The following IL17RD variants were observed in gnomAD, a reference collection of about 807,000 sequenced individuals.
The protein encoded by IL17RD is interleukin 17 receptor D.
IL17RD carries 52 observed loss-of-function variants against 80.5 expected under a neutral mutation model. That is an observed-to-expected ratio of 0.65 (90% CI 0.52 to 0.81). IL17RD has a LOEUF of 0.81. IL17RD is among the 40% of genes least tolerant of loss of function. The pLI is 0.00. For missense variants in IL17RD, 1,024 were observed against 955.1 expected (o/e 1.07, Z -0.95); for synonymous variants, 416 against 391.8 (o/e 1.06, Z -0.73).
intron 1 of IL17RD, among the ~76,000 whole-genome samples, chr3:57,154,283 T>TATACACACAC (rs904157398): frequency 2.7e-5 from 3 of 112,908 alleles, no homozygotes; most frequent in South Asian, 3.4e-4. Flanking sequence ...TATATATATA[T>TATACACACAC]ACACACACAC....
Position 57,127,305 on chromosome 3 carries a change from AAAAT to A in IL17RD, c.127-6996_127-6993del, listed in dbSNP as rs1164720374. Among the ~76,000 whole-genome samples the A allele has an allele frequency of 3.2e-3, 220 of 68,604 alleles. 8 individuals carry two copies. The highest frequency in any genetic ancestry group is 0.018 in the African/African-American group (202 of 10,986). 45.0% of individuals were successfully genotyped at this position (68,604 alleles called of 152,430 possible). ...ATATAAATATATATAAATATATATA[AAAAT>A]ATATAAAAATATATATAAATATATA... is the stretch of plus-strand genomic sequence containing the variant. On this transcript the variant is annotated intron_variant, in intron 1 of 12. Coordinates refer to ENST00000296318, the MANE Select transcript of IL17RD (RefSeq NM_017563.5).
At chr3:57,125,883 T>C (rs1365569556) in intron 1 of IL17RD, among the ~76,000 whole-genome samples, 1 of 152,206 alleles carries the variant, frequency 6.6e-6, no homozygotes, top group Non-Finnish European at 1.5e-5. Flanking sequence ...GCCTGACACA[T>C]AGTCCTTGAT....
intron 3 of IL17RD, among the ~76,000 whole-genome samples, chr3:57,112,014 C>T (rs1175568981): frequency 3.3e-5 from 5 of 151,556 alleles, no homozygotes; most frequent in Non-Finnish European, 5.9e-5. Flanking sequence ...GGGTGGCAAG[C>T]GGTGGTTCTT....
rs79476326 is a variant in IL17RD, at chr3:57,101,432, A to G, written c.980-69T>C. ...TTTGTTCTATTTCCTAAGAATTGAA[A>G]CCCAGTGCTATCTTCAAGAAAGAAC... On this transcript the variant is annotated intron_variant, in intron 10 of 12. Coordinates refer to ENST00000296318, the MANE Select transcript of IL17RD (RefSeq NM_017563.5). The G allele has an allele frequency of 2.9e-3, 3,007 of 1,026,204 alleles. 64 individuals carry two copies. In the African/African-American group the frequency reaches 0.043, roughly 15 times the overall value. 63.6% of individuals were successfully genotyped at this position (1,026,204 alleles called of 1,614,324 possible). A position where few individuals can be genotyped will look rare whatever the true frequency, so the allele number is the denominator to read the frequency against.
At position 57,146,991 on chromosome 3, in the gene IL17RD, T is replaced by A. The variant is rs1441800597; in HGVS notation, c.126+18170A>T. On this transcript the variant is annotated intron_variant, in intron 1 of 12. Transcript: ENST00000296318. The stretch of plus-strand genomic sequence containing the variant: ...TGCCCAACAACCATGCCCGGCTAAT[T>A]TTTTTTTTTTTTTTTTTGTATTTTT... Among the ~76,000 whole-genome samples, 3 of 73,068 alleles carry A rather than the reference T, an allele frequency of 4.1e-5. No individual in the cohort carries two copies. In the East Asian group the frequency reaches 3.0e-3, roughly 74 times the overall value. The allele number at this position is 73,068 out of a possible 152,430, so 47.9% of individuals were successfully genotyped here.
At chr3:57,110,389 T>A in intron 3 of IL17RD, 78 bp from the exon 4 acceptor site, 1 of 1,447,122 alleles carries the variant, frequency 6.9e-7, no homozygotes, top group Non-Finnish European at 9.4e-7. Flanking sequence ...AAGATTACCA[T>A]CTTCTCTACC....
intron 1 of IL17RD, among the ~76,000 whole-genome samples, chr3:57,133,829 G>A (rs555915185): frequency 6.6e-6 from 1 of 152,314 alleles, no homozygotes; most frequent in African/African-American, 2.4e-5. Context: ...CTCTCCTATA[G>A]GGCTGAGGCA....
rs369641068 is a variant in IL17RD, at chr3:57,101,207, T to C, written c.1136A>G (p.Tyr379Cys). Residue 379 changes from tyrosine (Y) to cysteine (C), a missense_variant, in exon 11 of 13, where the codon TAC becomes TGC. Transcript: ENST00000296318. Reference protein sequence around the residue: ...NHMNVVQCFAYFLQDFCGCEV... With the variant: ...NHMNVVQCFACFLQDFCGCEV... The stretch of plus-strand genomic sequence containing the variant: ...ACAGCCACAGAAGTCCTGGAGGAAG[T>C]AGGCGAAACACTGGACGACATTCAT... 168 of 1,613,512 alleles carry C rather than the reference T, an allele frequency of 1.0e-4. No homozygotes were observed. The highest frequency in any genetic ancestry group is 1.2e-4 in the Non-Finnish European group (142 of 1,179,674).
chr3:57,141,417 ATT>A (rs1275844992), intron 1 of IL17RD, among the ~76,000 whole-genome samples: 17 of 152,120 alleles, frequency 1.1e-4, no homozygotes, highest in African/African-American at 4.1e-4. Flanking sequence ...ATATGTAGCT[ATT>A]TTTTGTATTG....
intron 1 of IL17RD, among the ~76,000 whole-genome samples, chr3:57,144,754 A>G (rs1403464364): frequency 1.3e-5 from 2 of 152,264 alleles, no homozygotes; most frequent in Non-Finnish European, 2.9e-5. Flanking sequence ...GGAAACCCAC[A>G]GAACAGCAAT....
At chr3:57,114,893 A>T in intron 2 of IL17RD, 76 bp from the exon 3 acceptor site, 1 of 1,282,348 alleles carries the variant, frequency 7.8e-7, no homozygotes, top group Non-Finnish European at 1.1e-6. Flanking sequence ...ATCAAAATAA[A>T]CAGGGCATGT....
intron 1 of IL17RD, among the ~76,000 whole-genome samples, chr3:57,128,715 A>G (rs560797175): frequency 1.8e-4 from 28 of 152,258 alleles, no homozygotes; most frequent in African/African-American, 6.7e-4. Context: ...CCCACGCCTG[A>G]CTTTATGATT....
intron 1 of IL17RD, among the ~76,000 whole-genome samples, chr3:57,147,236 A>G (rs1320978658): frequency 6.6e-6 from 1 of 152,184 alleles, no homozygotes; most frequent in Non-Finnish European, 1.5e-5. Context: ...CCAGGCACAG[A>G]GCTGGATGTT....
chr3:57,157,839 C>A (rs1343759803), intron 1 of IL17RD, among the ~76,000 whole-genome samples: 1 of 152,148 alleles, frequency 6.6e-6, no homozygotes, highest in Non-Finnish European at 1.5e-5. Context: ...TCCCATTAAC[C>A]CTCCCACTCT....
rs139228645 is a variant in IL17RD at position 57,124,239 on chromosome 3, C to T, written c.127-3926G>A. Among the ~76,000 whole-genome samples the T allele has an allele frequency of 2.6e-3, 394 of 152,290 alleles. 2 individuals carry two copies. Among genetic ancestry groups the T allele is most frequent in the African/African-American group, 8.9e-3 (370 of 41,558 alleles). ...TAGCCCATGGTGCACTTCTATTTTC[C>T]TTACACCTCAGGATAGGTAGAATGA... On this transcript the variant is annotated intron_variant, in intron 1 of 12. Transcript: ENST00000296318.
At chr3:57,143,111 G>A (rs1305130864) in intron 1 of IL17RD, among the ~76,000 whole-genome samples, 1 of 152,180 alleles carries the variant, frequency 6.6e-6, no homozygotes, top group East Asian at 1.9e-4. Flanking sequence ...AAGTTTATGT[G>A]AGCAGCTAAG....
Position 57,105,973 on chromosome 3 carries a change from C to T in IL17RD, c.631G>A (p.Gly211Ser). 1 of 1,613,948 alleles carries T rather than the reference C, an allele frequency of 6.2e-7. No individual in the cohort carries two copies. Among genetic ancestry groups the T allele is most frequent in the Non-Finnish European group, 8.5e-7 (1 of 1,179,872 alleles). Residue 211 changes from glycine (G) to serine (S), a missense_variant, in exon 7 of 13, where the codon GGC becomes AGC. Physicochemically the swap from Gly to Ser is moderately conservative, Grantham distance 56. Coordinates refer to ENST00000296318, the MANE Select transcript of IL17RD (RefSeq NM_017563.5). ...KPRNLNISQH[G>S]SDMQVSFDHA... ...TCGAAGGACACCTGCATGTCCGAGC[C>T]ATGCTGGCTGATGTTCAGGTTCCGA...
upstream of IL17RD, chr3:57,169,254 T>A (rs1207242415): frequency 5.8e-6 from 3 of 518,976 alleles, no homozygotes; most frequent in Admixed American, 5.8e-5. Context: ...GGATTGCCTG[T>A]AGTCCAGTCA....
At chr3:57,127,365 AATATATATAT>A (rs1355143693) in intron 1 of IL17RD, among the ~76,000 whole-genome samples, 2,058 of 77,988 alleles carry the variant, frequency 0.026, 280 homozygotes, top group African/African-American at 0.1. Flanking sequence ...TATAAATATA[AATATATATAT>A]ATAAATAAAT....
Sources: gnomAD v4.1 joint callset for allele counts (sites outside exome capture counted in the v4.1 genomes callset) on GRCh38, gnomAD v4.1.1 for gene constraint, MANE v1.5 for transcripts, NCBI Gene and HGNC (gene_info 2026-07-23, HGNC 2026-07-21) for gene names.